Variants in CIMIP4 observed in about 807,000 individuals in gnomAD.
The protein encoded by CIMIP4 is protein EAN57.
chr22:37,004,577 C>CT, the CIMIP4 span, among the ~76,000 whole-genome samples: 1 of 152,220 alleles, frequency 6.6e-6, no homozygotes, highest in African/African-American at 2.4e-5. Flanking sequence ...GGAACCCACA[C>CT]TTTGCTCTGG....
At chr22:37,004,002 G>A in the CIMIP4 span, 2 of 1,548,598 alleles carry the variant, frequency 1.3e-6, no homozygotes, top group Admixed American at 3.9e-5. Context: ...TCTTGCTGTG[G>A]GACAGGCAAT....
the CIMIP4 span, among the ~76,000 whole-genome samples, chr22:36,995,088 G>A: frequency 6.6e-6 from 1 of 152,116 alleles, no homozygotes; most frequent in Admixed American, 6.6e-5. Context: ...CCACCCCAAA[G>A]ACAAGAGAGC....
the CIMIP4 span, among the ~76,000 whole-genome samples, chr22:37,005,553 G>GTTT: frequency 2.1e-5 from 3 of 145,346 alleles, no homozygotes; most frequent in Admixed American, 6.8e-5. Flanking sequence ...ACCTTAAACA[G>GTTT]TTTTTTTTTT....
the CIMIP4 span, among the ~76,000 whole-genome samples, chr22:36,995,711 C>T: frequency 1.8e-4 from 28 of 152,162 alleles, no homozygotes; most frequent in Non-Finnish European, 4.0e-4. Flanking sequence ...TAAGGGGAAA[C>T]TTCTTTCACT....
At chr22:36,996,581 A>C in the CIMIP4 span, among the ~76,000 whole-genome samples, 2 of 152,202 alleles carry the variant, frequency 1.3e-5, no homozygotes, top group Non-Finnish European at 2.9e-5. Context: ...TATATTAGAA[A>C]ATTCATTATA....
the CIMIP4 span, among the ~76,000 whole-genome samples, chr22:37,003,675 C>T: frequency 1.3e-5 from 2 of 152,206 alleles, no homozygotes; most frequent in Admixed American, 6.5e-5. Flanking sequence ...CAGCCCTGCC[C>T]TTCTGGTACA....
chr22:37,001,887 G>C, the CIMIP4 span: 3 of 1,611,006 alleles, frequency 1.9e-6, no homozygotes, highest in South Asian at 1.1e-5. Flanking sequence ...AACTTGTGGC[G>C]AATGTTGTTA....
chr22:37,003,348 T>C, the CIMIP4 span, among the ~76,000 whole-genome samples: 1 of 152,166 alleles, frequency 6.6e-6, no homozygotes, highest in East Asian at 1.9e-4. Context: ...CCCAACTCAC[T>C]GGACTCTCTT....
At chr22:37,006,360 A>G in the CIMIP4 span, among the ~76,000 whole-genome samples, 1 of 152,260 alleles carries the variant, frequency 6.6e-6, no homozygotes, top group Non-Finnish European at 1.5e-5. Context: ...GGAATGTCCA[A>G]CATTTGTGTG....
chr22:37,004,462 C>A, the CIMIP4 span, among the ~76,000 whole-genome samples: 5,050 of 152,286 alleles, frequency 0.033, 109 homozygotes, highest in Non-Finnish European at 0.045. Flanking sequence ...CCCATCCTGG[C>A]AACCATTTGT....
chr22:36,991,296 A>G, the CIMIP4 span: 1 of 1,613,364 alleles, frequency 6.2e-7, no homozygotes, highest in Non-Finnish European at 8.5e-7. Flanking sequence ...GCAGGAGAAG[A>G]GCCAGCACAG....
At chr22:37,004,589 G>A in the CIMIP4 span, among the ~76,000 whole-genome samples, 1 of 152,214 alleles carries the variant, frequency 6.6e-6, no homozygotes, top group Non-Finnish European at 1.5e-5. Context: ...TTGCTCTGGT[G>A]TAAACTCAGT....
the CIMIP4 span, among the ~76,000 whole-genome samples, chr22:36,992,914 T>G: frequency 1.3e-5 from 2 of 150,144 alleles, no homozygotes; most frequent in Non-Finnish European, 3.0e-5. Flanking sequence ...TACATATATC[T>G]AAATCCTATA....
the CIMIP4 span, chr22:37,002,024 G>A: frequency 5.6e-6 from 9 of 1,612,310 alleles, no homozygotes; most frequent in Admixed American, 1.7e-5. Flanking sequence ...CTCTCTCGAG[G>A]AGGATCGAGA....
At chr22:37,006,350 G>A in the CIMIP4 span, among the ~76,000 whole-genome samples, 25 of 152,322 alleles carry the variant, frequency 1.6e-4, no homozygotes, top group Admixed American at 1.6e-3. Flanking sequence ...ACCTAATCAA[G>A]GAATGTCCAA....
chr22:37,003,566 C>T, the CIMIP4 span, among the ~76,000 whole-genome samples: 2 of 152,214 alleles, frequency 1.3e-5, no homozygotes, highest in Non-Finnish European at 2.9e-5. Flanking sequence ...GAACACTCCC[C>T]TCCACTCCTT....
At chr22:37,004,284 A>T in the CIMIP4 span, among the ~76,000 whole-genome samples, 5 of 129,340 alleles carry the variant, frequency 3.9e-5, no homozygotes, top group Non-Finnish European at 8.2e-5. Context: ...GGCCACCCCC[A>T]CCCCACCCCA....
chr22:37,005,892 C>T, the CIMIP4 span, among the ~76,000 whole-genome samples: 7 of 152,092 alleles, frequency 4.6e-5, no homozygotes, highest in African/African-American at 1.7e-4. Flanking sequence ...CCAAAAGATG[C>T]TAAAATTAAG....
At chr22:37,000,947 T>C in the CIMIP4 span, among the ~76,000 whole-genome samples, 1 of 152,108 alleles carries the variant, frequency 6.6e-6, no homozygotes, top group African/African-American at 2.4e-5. Context: ...CCCCCAGCTT[T>C]TGTGACCCAA....
Sources: gnomAD v4.1 joint callset for allele counts (sites outside exome capture counted in the v4.1 genomes callset) on GRCh38, gnomAD v4.1.1 for gene constraint, MANE v1.5 for transcripts, NCBI Gene and HGNC (gene_info 2026-07-23, HGNC 2026-07-21) for gene names.